Variants in INSL6 observed in about 807,000 individuals in gnomAD.
The protein encoded by INSL6 is insulin-like peptide INSL6.
A neutral mutation model predicts 9.4 loss-of-function variants in INSL6; 16 were observed. The ratio of observed to expected loss-of-function variants is 1.70; its 90% CI spans 1.15 to 2.59. The LOEUF (loss-of-function observed/expected upper bound fraction) is 2.59, where lower values mean the gene tolerates loss of function less well. Among genes scored for constraint, INSL6 ranks in the 30% most tolerant of loss-of-function variants. The probability of loss-of-function intolerance (pLI) is 0.00; values close to 1 mark genes in which losing one functional copy is unlikely to be tolerated. For synonymous variants in INSL6, 154 were observed against 96.9 expected, an observed-to-expected ratio of 1.59 and a Z score of -3.46; for missense variants, 391 against 257.3, an observed-to-expected ratio of 1.52 and a Z score of -3.56.
chr9:5,122,361 T>G (rs1169571306), downstream of INSL6, among the ~76,000 whole-genome samples: 1 of 152,086 alleles, frequency 6.6e-6, no homozygotes, highest in Non-Finnish European at 1.5e-5. Flanking sequence ...TAGTCACCCC[T>G]CTTCTGGTTA....
chr9:5,151,187 A>C (rs2130895044), intron 2 of INSL6, among the ~76,000 whole-genome samples: 2 of 151,348 alleles, frequency 1.3e-5, no homozygotes, highest in South Asian at 4.2e-4. Flanking sequence ...ACCACTATGC[A>C]ATATATCCAT....
chr9:5,089,422 C>T, the INSL6 span, among the ~76,000 whole-genome samples: 9 of 151,542 alleles, frequency 5.9e-5, no homozygotes, highest in Non-Finnish European at 1.0e-4. Context: ...CCTGTATTCC[C>T]AGCTACTGGG....
At chr9:5,045,895 A>G in the INSL6 span, among the ~76,000 whole-genome samples, 1 of 152,132 alleles carries the variant, frequency 6.6e-6, no homozygotes, top group African/African-American at 2.4e-5. Flanking sequence ...GTTCTTTTCA[A>G]TATATACCCA....
At chr9:5,006,485 C>G in the INSL6 span, among the ~76,000 whole-genome samples, 3 of 152,110 alleles carry the variant, frequency 2.0e-5, no homozygotes, top group Non-Finnish European at 2.9e-5. Context: ...AAAGAGCTAT[C>G]TGAGACTGGG....
In INSL6 at chr9:5,164,010, C is replaced by G; in HGVS notation, c.545G>C (p.Gly182Ala). 1.2e-6 allele frequency: 2 copies of G among 1,613,428 alleles called. No individual in the cohort carries two copies. Among genetic ancestry groups the G allele is most frequent in the Non-Finnish European group, 1.7e-6 (2 of 1,179,788 alleles). The change falls in exon 2 of 2, where the codon GGA (glycine) becomes GCA (alanine). Residue 182 changes from glycine to alanine, a missense_variant. Transcript: ENST00000381641. ...AATGCTAAGTTCTTCTTTTGTACAT[C>G]CTGTAAGACAACACTTTTCTGAATA... ...RGYSEKCCLT[G>A]CTKEELSIAC... is the part of the protein sequence containing the mutation.
chr9:5,098,501 C>G, the INSL6 span: 1 of 152,124 alleles, frequency 6.6e-6, no homozygotes, highest in East Asian at 1.9e-4. Context: ...CTCATATTAG[C>G]ACCACAGATG....
At chr9:5,026,720 C>T in the INSL6 span, among the ~76,000 whole-genome samples, 16 of 152,104 alleles carry the variant, frequency 1.1e-4, no homozygotes, top group East Asian at 1.4e-3. Flanking sequence ...TGTGTGTGTA[C>T]GTGTATGCGT....
At chr9:5,142,180 G>A (rs946995982) in intron 2 of INSL6, among the ~76,000 whole-genome samples, 17 of 152,166 alleles carry the variant, frequency 1.1e-4, no homozygotes, top group African/African-American at 4.1e-4. Context: ...TTTTGCTGAG[G>A]AATGCCTTGG....
At chr9:5,083,494 T>C in the INSL6 span, among the ~76,000 whole-genome samples, 1 of 152,232 alleles carries the variant, frequency 6.6e-6, no homozygotes, top group Non-Finnish European at 1.5e-5. Context: ...TTTTCCTCTT[T>C]TCTGGGAACT....
At chr9:4,993,372 G>GT in the INSL6 span, among the ~76,000 whole-genome samples, 1 of 152,162 alleles carries the variant, frequency 6.6e-6, no homozygotes, top group African/African-American at 2.4e-5. Context: ...TGAAAAGATT[G>GT]TTCTGAGTCC....
the INSL6 span, chr9:5,108,090 C>G: frequency 1.3e-5 from 2 of 152,110 alleles, no homozygotes; most frequent in Non-Finnish European, 2.9e-5. Context: ...CACTAGTTTT[C>G]TCTTCTGATC....
chr9:5,055,816 G>C, the INSL6 span: 1 of 1,584,640 alleles, frequency 6.3e-7, no homozygotes. Flanking sequence ...TTGAATAATG[G>C]TTTCATTTTA....
chr9:5,081,961 G>C, the INSL6 span: 8 of 979,228 alleles, frequency 8.2e-6, no homozygotes, highest in African/African-American at 1.7e-5. Flanking sequence ...TTTAAGGAGT[G>C]CTTGTAGAAA....
chr9:5,038,790 T>C, the INSL6 span, among the ~76,000 whole-genome samples: 1 of 152,064 alleles, frequency 6.6e-6, no homozygotes, highest in African/African-American at 2.4e-5. Flanking sequence ...AGTTTGTTTA[T>C]AAAAAGATGA....
the INSL6 span, chr9:5,114,811 C>T: frequency 1.1e-5 from 3 of 279,230 alleles, no homozygotes; most frequent in Non-Finnish European, 2.1e-5. Context: ...ATTAAATGTC[C>T]TCCTGCCTTC....
At chr9:5,087,689 C>T in the INSL6 span, among the ~76,000 whole-genome samples, 1 of 152,166 alleles carries the variant, frequency 6.6e-6, no homozygotes. Flanking sequence ...ATAAAATATA[C>T]ATTTTCCCAC....
At chr9:5,024,344 A>T in the INSL6 span, among the ~76,000 whole-genome samples, 2 of 152,058 alleles carry the variant, frequency 1.3e-5, no homozygotes, top group South Asian at 4.1e-4. Flanking sequence ...GACAGATTTT[A>T]TTGAATTCCT....
chr9:5,038,037 T>C, the INSL6 span, among the ~76,000 whole-genome samples: 1 of 152,226 alleles, frequency 6.6e-6, no homozygotes, highest in Non-Finnish European at 1.5e-5. Context: ...CTTTAGCACA[T>C]AGTTACAACT....
chr9:5,111,368 C>A, the INSL6 span: 3 of 405,592 alleles, frequency 7.4e-6, no homozygotes, highest in Non-Finnish European at 1.4e-5. Flanking sequence ...ACCCCTCCTA[C>A]GCCAGCAGCT....
Sources: gnomAD v4.1 joint callset for allele counts (sites outside exome capture counted in the v4.1 genomes callset) on GRCh38, gnomAD v4.1.1 for gene constraint, MANE v1.5 for transcripts, NCBI Gene and HGNC (gene_info 2026-07-23, HGNC 2026-07-21) for gene names.